The following DNAJC6 variants were observed in gnomAD, a reference collection of about 807,000 sequenced individuals.
DNAJC6 encodes auxilin.
DNAJC6 carries 34 observed loss-of-function variants against 110.0 expected under a neutral mutation model. That is an observed-to-expected ratio of 0.31 (90% confidence interval 0.24 to 0.41). The LOEUF is 0.41. DNAJC6 is among the 10% of genes least tolerant of loss of function. The pLI, the probability that DNAJC6 is intolerant of heterozygous loss-of-function variation, is 1.00. For missense variants in DNAJC6, 1,031 were observed against 1,207.8 expected (o/e 0.85, Z 2.17); for synonymous variants, 406 against 437.2 (o/e 0.93, Z 0.89).
At chr1:65,332,112 C>G (rs1645294237) in intron 1 of DNAJC6, among the ~76,000 whole-genome samples, 1 of 152,152 alleles carries the variant, frequency 6.6e-6, no homozygotes. Flanking sequence ...CTTTTCTGGA[C>G]TCTTTTTTGC....
Position 65,274,402 on chromosome 1 carries a change from C to T in DNAJC6, c.-131+9470C>T, listed in dbSNP as rs796635953. ...TGTGATCTTGGCTCACTGCATCCTC[C>T]GCCTCCTGGGTTCAAGCGATTCTCC... On this transcript the variant is annotated intron_variant, in intron 1 of 19. Coordinates refer to the DNAJC6 transcript ENST00000263441. Among the ~76,000 whole-genome samples, 19 of 152,088 alleles carry T rather than the reference C, an allele frequency of 1.2e-4. No individual in the cohort carries two copies. In the Middle Eastern group the frequency reaches 0.01, roughly 82 times the overall value.
intron 4 of DNAJC6, among the ~76,000 whole-genome samples, chr1:65,371,050 C>T (rs960384998): frequency 2.6e-5 from 4 of 152,118 alleles, no homozygotes; most frequent in African/African-American, 9.7e-5. Flanking sequence ...CCAGAGACTC[C>T]CACATTCTAG....
chr1:65,369,248 C>T (rs1645683077), intron 4 of DNAJC6, among the ~76,000 whole-genome samples: 2 of 152,280 alleles, frequency 1.3e-5, no homozygotes, highest in Admixed American at 6.5e-5. Flanking sequence ...CCCTTAGTTG[C>T]ATCTTAGGGA....
At chr1:65,398,977 C>G (rs1646005440) in intron 14 of DNAJC6, 96 bp downstream of exon 14, 1 of 1,272,920 alleles carries the variant, frequency 7.9e-7, no homozygotes, top group Admixed American at 1.9e-5. Context: ...TTGTGGCCTA[C>G]CTGTGTAATT....
At chr1:65,307,006 CTCTCTCTCTCTCTATATA>C (rs1179134679), upstream of DNAJC6, among the ~76,000 whole-genome samples, 169 of 98,790 alleles carry the variant, frequency 1.7e-3, 1 homozygote, top group Non-Finnish European at 2.6e-3. Flanking sequence ...CTCTCTCTCT[CTCTCTCTCTCTCTATATA>C]TATATATATA....
intron 1 of DNAJC6, among the ~76,000 whole-genome samples, chr1:65,344,450 CTT>C (rs573400793): frequency 3.5e-4 from 54 of 152,258 alleles, no homozygotes; most frequent in African/African-American, 1.3e-3. Flanking sequence ...ACATCCGACT[CTT>C]TTGATGGTTG....
At chr1:65,373,587 T>C (rs1645729290) in intron 4 of DNAJC6, among the ~76,000 whole-genome samples, 1 of 152,072 alleles carries the variant, frequency 6.6e-6, no homozygotes, top group African/African-American at 2.4e-5. Context: ...CTTTGGAAGA[T>C]CTGTTAATTC....
At chr1:65,315,435 GAT>G (rs1390206369) in intron 1 of DNAJC6, among the ~76,000 whole-genome samples, 1 of 152,066 alleles carries the variant, frequency 6.6e-6, no homozygotes, top group Admixed American at 6.5e-5. Context: ...TTGCCTCAGA[GAT>G]AACTTCTACT....
In DNAJC6 at chr1:65,389,452, A is replaced by G; in HGVS notation, c.1387+3A>G. 6.2e-7 allele frequency: 1 copy of G among 1,613,892 alleles called. No homozygotes were observed. Among genetic ancestry groups the G allele is most frequent in the Non-Finnish European group, 8.5e-7 (1 of 1,179,890 alleles). On this transcript the variant is annotated splice_donor_region_variant and intron_variant, in intron 10 of 18. Transcript: ENST00000371069. ...TCAAGATACGCTGGCCTTAGGAGGT[A>G]TGAGTCACCTGATGGTTTTGTTTTT...
Position 65,408,638 on chromosome 1 carries a change from C to T in DNAJC6, c.2492-3C>T, listed in dbSNP as rs914591633. 6.2e-7 allele frequency: 1 copy of T among 1,607,002 alleles called. No individual in the cohort carries two copies. Among genetic ancestry groups the T allele is most frequent in the Non-Finnish European group, 8.5e-7 (1 of 1,178,242 alleles). On this transcript the variant is annotated splice_polypyrimidine_tract_variant and splice_region_variant and intron_variant, in intron 16 of 18. Transcript: ENST00000371069. ...GTAATGATTTTCAAAAATTATATTG[C>T]AGAAGGGAAACAAAAAGCAGCTGAT... is the stretch of plus-strand genomic sequence containing the variant.
intron 1 of DNAJC6, among the ~76,000 whole-genome samples, chr1:65,353,773 T>C (rs1413929505): frequency 2.0e-5 from 3 of 152,198 alleles, no homozygotes. Flanking sequence ...TAGCCTTCTT[T>C]ACAATAAAGC....
chr1:65,340,471 T>C (rs1645379095), intron 1 of DNAJC6, among the ~76,000 whole-genome samples: 1 of 152,182 alleles, frequency 6.6e-6, no homozygotes, highest in African/African-American at 2.4e-5. Flanking sequence ...AGACCTCTAC[T>C]CTGTCAAAAA....
Position 65,392,578 on chromosome 1 carries a change from G to C in DNAJC6, c.1616G>C (p.Ser539Thr). 1 of 1,614,084 alleles carries C rather than the reference G, an allele frequency of 6.2e-7. No homozygotes were observed. The highest frequency in any genetic ancestry group is 8.5e-7 in the Non-Finnish European group (1 of 1,179,996). Residue 539 changes from serine to threonine, a missense_variant, in exon 12 of 19, where the codon AGC becomes ACC. Transcript: ENST00000371069. ...AAGCCTCATGGAGTCAAGAAGCCCA[G>C]CAAAAAGCAGCAGGAGCCAGCAGCC... ...GDKPHGVKKP[S>T]KKQQEPAAPP...
intron 1 of DNAJC6, among the ~76,000 whole-genome samples, chr1:65,282,735 T>G (rs1305672453): frequency 6.6e-6 from 1 of 152,210 alleles, no homozygotes; most frequent in Non-Finnish European, 1.5e-5. Context: ...GGAAGTCACC[T>G]GCAGTTTGTA....
chr1:65,293,894 A>G (rs1312362493), intron 1 of DNAJC6, among the ~76,000 whole-genome samples: 1 of 152,214 alleles, frequency 6.6e-6, no homozygotes, highest in Non-Finnish European at 1.5e-5. Context: ...TTTCCCAGGT[A>G]TTAAATTTTC....
intron 1 of DNAJC6, among the ~76,000 whole-genome samples, chr1:65,284,348 T>C (rs1305113757): frequency 6.6e-6 from 1 of 152,202 alleles, no homozygotes; most frequent in East Asian, 1.9e-4. Context: ...ACTCCTCATG[T>C]GTGCTTATGT....
upstream of DNAJC6, among the ~76,000 whole-genome samples, chr1:65,307,053 A>C (rs1645051459): frequency 7.0e-6 from 1 of 141,990 alleles, no homozygotes; most frequent in South Asian, 2.2e-4. Flanking sequence ...TTAGGTACTA[A>C]TCTAATTCTT....
chr1:65,281,110 A>G (rs1653829324), intron 1 of DNAJC6, among the ~76,000 whole-genome samples: 1 of 152,022 alleles, frequency 6.6e-6, no homozygotes, highest in Non-Finnish European at 1.5e-5. Flanking sequence ...TATTTTTAGT[A>G]GAGACGGGCT....
intron 4 of DNAJC6, among the ~76,000 whole-genome samples, chr1:65,371,965 T>C (rs1645710472): frequency 6.6e-6 from 1 of 152,204 alleles, no homozygotes; most frequent in Admixed American, 6.5e-5. Flanking sequence ...TTTAAAAAAT[T>C]CTAATTGTAT....
Sources: gnomAD v4.1 joint callset for allele counts (sites outside exome capture counted in the v4.1 genomes callset) on GRCh38, gnomAD v4.1.1 for gene constraint, MANE v1.5 for transcripts, NCBI Gene and HGNC (gene_info 2026-07-23, HGNC 2026-07-21) for gene names.